Variants in MOGS observed in about 807,000 individuals in gnomAD.
The protein encoded by MOGS is epididymis secretory sperm binding protein.
Under a neutral mutation model 68.5 loss-of-function variants are expected in MOGS, and 45 were observed. The observed-to-expected ratio is 0.66, with a 90% CI of 0.52 to 0.84. The LOEUF is 0.84. MOGS is among the 40% of genes least tolerant of loss of function. The pLI, the probability that MOGS is intolerant of heterozygous loss-of-function variation, is 0.00. For missense variants in MOGS, 1,020 were observed against 1,095.0 expected (o/e 0.93, Z 0.97); for synonymous variants, 492 against 461.2 (o/e 1.07, Z -0.86).
At position 74,461,464 on chromosome 2, in the gene MOGS, A is replaced by G; in HGVS notation, c.2325T>C (p.Pro775=). The stretch of plus-strand genomic sequence containing the variant: ...GGAGTTTGGCAGCCCGAGCCTGGTG[A>G]GGACCCTCCAGATGCCCATAGTGGT... ...ALHHYGHLEG[P]HQARAAKLHG... The change falls in exon 4 of 4, where the codon CCT becomes CCC. Residue 775 remains proline, a synonymous_variant. Coordinates refer to ENST00000448666, the MANE Select transcript of MOGS (RefSeq NM_006302.3). 6.2e-7 allele frequency: 1 copy of G among 1,614,194 alleles called. No homozygotes were observed. The highest frequency in any genetic ancestry group is 8.5e-7 in the Non-Finnish European group (1 of 1,180,048).
chr2:74,463,660 CTTT>C (rs952902052), intron 2 of MOGS: 2,956 of 195,674 alleles, frequency 0.015, 1 homozygote, highest in Middle Eastern at 0.04. Flanking sequence ...TCATTTAATT[CTTT>C]TTTTTTTTTT....
rs1402710665 is a variant in MOGS at position 74,463,004 on chromosome 2, A to G, written c.785T>C (p.Val262Ala). ...DTAPKYGSYN[V>A]FWTSNPGLPL... is the part of the protein sequence containing the mutation. Reference sequence around the variant, plus strand: ...CAGTCCTGGGTTGGAGGTCCAGAAGACATTGTAGCTTGAAGGGGAGAAGAT... The same window carrying G: ...CAGTCCTGGGTTGGAGGTCCAGAAGGCATTGTAGCTTGAAGGGGAGAAGAT... The change falls in exon 4 of 4, where the codon GTC becomes GCC. Residue 262 changes from valine to alanine, a missense_variant. Coordinates refer to ENST00000448666, the MANE Select transcript of MOGS (RefSeq NM_006302.3). 2 of 1,614,060 alleles carry G rather than the reference A, an allele frequency of 1.2e-6. No homozygotes were observed. Among genetic ancestry groups the G allele is most frequent in the Admixed American group, 1.7e-5 (1 of 60,024 alleles).
Position 74,461,680 on chromosome 2 carries a change from G to A in MOGS, c.2109C>T (p.Asp703=). The A allele has an allele frequency of 6.2e-7, 1 of 1,614,226 alleles. No homozygotes were observed. Among genetic ancestry groups the A allele is most frequent in the African/African-American group, 1.3e-5 (1 of 75,060 alleles). ...SLFPLLLRLL[D]PTSSRLGPLL... ...GGGGCCCAAGGCGGGATGAGGTGGG[G>A]TCCAGCAGTCGCAGCAGCAAGGGAA... The change falls in exon 4 of 4, where the codon GAC becomes GAT. Residue 703 remains aspartate, a synonymous_variant. Coordinates refer to ENST00000448666, the MANE Select transcript of MOGS (RefSeq NM_006302.3).
intron 2 of MOGS, 47 bp from the exon 3 acceptor site, chr2:74,463,433 C>G: frequency 6.3e-7 from 1 of 1,581,124 alleles, no homozygotes; most frequent in Non-Finnish European, 8.7e-7. Flanking sequence ...GATTGGCATT[C>G]TCTCTTGAAT....
Position 74,463,181 on chromosome 2 carries a change from C to T in MOGS, c.776+9G>A, listed in dbSNP as rs766902133. On this transcript the variant is annotated intron_variant, in intron 3 of 3. Transcript: ENST00000448666. ...CTTCCATCCCCCAACATTCTTTTCC[C>T]CCAGTTACCTGCCATACTTGGGGGC... is the stretch of plus-strand genomic sequence containing the variant. 9 of 1,613,988 alleles carry T rather than the reference C, an allele frequency of 5.6e-6. No individual in the cohort carries two copies. Among genetic ancestry groups the T allele is most frequent in the Non-Finnish European group, 7.6e-6 (9 of 1,179,968 alleles).
intron 2 of MOGS, 61 bp from the exon 3 acceptor site, chr2:74,463,447 C>T (rs1230655444): frequency 6.5e-7 from 1 of 1,536,970 alleles, no homozygotes; most frequent in Non-Finnish European, 9.0e-7. Flanking sequence ...CTTGAATTCC[C>T]TCTTGAGAAT....
chr2:74,464,799 A>C (rs1303791552), intron 1 of MOGS, 77 bp from the exon 2 acceptor site: 18 of 1,560,200 alleles, frequency 1.2e-5, no homozygotes, highest in Non-Finnish European at 1.5e-5. Context: ...CCTCTTCATA[A>C]CTCTCCTGAT....
At position 74,462,013 on chromosome 2, in the gene MOGS, T is replaced by C; in HGVS notation, c.1776A>G (p.Ser592=). 1 of 1,614,168 alleles carries C rather than the reference T, an allele frequency of 6.2e-7. No homozygotes were observed. The highest frequency in any genetic ancestry group is 8.5e-7 in the Non-Finnish European group (1 of 1,180,006). ...GCAGGTCCAGGTGCCGCTCGGTTACTGAAGGGTGTGAAGCCCGGGGGTAGT... is the reference window on the plus strand; with the variant it reads ...GCAGGTCCAGGTGCCGCTCGGTTACCGAAGGGTGTGAAGCCCGGGGGTAGT... ...LDDYPRASHP[S]VTERHLDLRC... is the part of the protein sequence containing the mutation. Residue 592 remains serine (S), a synonymous_variant, in exon 4 of 4, where the codon TCA becomes TCG. Transcript: ENST00000448666.
Position 74,462,425 on chromosome 2 carries a change from T to TTCA in MOGS, c.1363_1364insTGA (p.His455delinsLeuAsn), listed in dbSNP as rs1671944909. 3 of 1,613,282 alleles carry TTCA rather than the reference T, an allele frequency of 1.9e-6. No homozygotes were observed. The highest frequency in any genetic ancestry group is 2.5e-6 in the Non-Finnish European group (3 of 1,179,554). On this transcript the variant is annotated protein_altering_variant, in exon 4 of 4. Transcript: ENST00000448666. ...ATCCCACCGCTGAACCACCAGCTGG[T>TTCA]GAAAGCCTTCATCCCAAAGGAAGCC...
rs756776967 is a variant in MOGS at position 74,462,019 on chromosome 2, G to T, written c.1770C>A (p.His590Gln). Residue 590 changes from histidine to glutamine, a missense_variant, in exon 4 of 4, where the codon CAC (histidine) becomes CAA (glutamine). By Grantham distance (24) the His-to-Gln change is conservative. Coordinates refer to ENST00000448666, the MANE Select transcript of MOGS (RefSeq NM_006302.3). ...SGLDDYPRAS[H>Q]PSVTERHLDL... ...CCAGGTGCCGCTCGGTTACTGAAGG[G>T]TGTGAAGCCCGGGGGTAGTCATCCA... 7 of 1,614,224 alleles carry T rather than the reference G, an allele frequency of 4.3e-6. No individual in the cohort carries two copies. The highest frequency in any genetic ancestry group is 2.2e-5 in the East Asian group (1 of 44,888).
rs1672040605 is a variant in MOGS, at chr2:74,465,340, G to T, written c.-93C>A. On this transcript the variant is annotated 5_prime_UTR_variant, in exon 1 of 4. Transcript: ENST00000448666. ...TCTCCGGCTCCCGCCTCTCGCCCTGGCGACCACCGTCCGGTTAGCGACACC... is the reference window on the plus strand; with the variant it reads ...TCTCCGGCTCCCGCCTCTCGCCCTGTCGACCACCGTCCGGTTAGCGACACC... 1 of 779,366 alleles carries T rather than the reference G, an allele frequency of 1.3e-6. No homozygotes were observed. The highest frequency in any genetic ancestry group is 1.8e-6 in the Non-Finnish European group (1 of 553,798). The allele number at this position is 779,366 out of a possible 1,614,324, so 48.3% of individuals were successfully genotyped here.
At chr2:74,464,466 G>A (rs377567501) in intron 2 of MOGS, 30 bp downstream of exon 2, 138 of 1,607,230 alleles carry the variant, frequency 8.6e-5, no homozygotes, top group Non-Finnish European at 1.1e-4. Context: ...GGGGGTCTGG[G>A]CTGAGAAAAG....
At chr2:74,464,760 G>C (rs1046554640) in intron 1 of MOGS, 38 bp from the exon 2 acceptor site, 12 of 1,594,476 alleles carry the variant, frequency 7.5e-6, no homozygotes, top group Non-Finnish European at 1.0e-5. Context: ...AAGAGCAGGG[G>C]ACCTGTCCCT....
intron 2 of MOGS, 186 bp from the exon 3 acceptor site, chr2:74,463,572 G>A (rs1671989169): frequency 1.6e-6 from 1 of 631,244 alleles, no homozygotes. Flanking sequence ...GAGATAAAGA[G>A]CCTTGCACTG....
intron 2 of MOGS, 112 bp downstream of exon 2, chr2:74,464,384 T>A: frequency 1.0e-6 from 1 of 964,074 alleles, no homozygotes; most frequent in East Asian, 2.6e-5. Flanking sequence ...GGCAGTTGTT[T>A]AAGGCAGGAT....
At position 74,464,906 on chromosome 2, in the gene MOGS, G is replaced by T. The variant is rs773049219; in HGVS notation, c.342C>A (p.Pro114=). Residue 114 remains proline, a synonymous_variant, in exon 1 of 4, where the codon CCC becomes CCA. Transcript: ENST00000448666. ...YFGMKTRSPK[P]LLTGLMWAQQ... is the part of the protein sequence containing the mutation. ...CTGGGGCCCGGTTACCGGTGAGGAG[G>T]GGCTTCGGGCTGCGGGTCTTCATGC... 90 of 1,605,360 alleles carry T rather than the reference G, an allele frequency of 5.6e-5. No individual in the cohort carries two copies. The highest frequency in any genetic ancestry group is 7.1e-5 in the Non-Finnish European group (84 of 1,175,702).
chr2:74,461,396 T>C lies in MOGS; in HGVS notation c.2393A>G (p.Gln798Arg). The change falls in exon 4 of 4, where the codon CAG (glutamine) becomes CGG (arginine). Residue 798 changes from glutamine (Q) to arginine (R), a missense_variant. Around this residue, in one of 3 missense-constraint regions of MOGS, gnomAD observed 270 missense variants for 261.3 expected, o/e 1.03. Transcript: ENST00000448666. ...RANVVGNVWR[Q>R]YQATGFLWEQ... ...CCAAAGAAAGCCTGTAGCCTGGTAC[T>C]GGCGCCATACATTGCCTACCACGTT... is the stretch of plus-strand genomic sequence containing the variant. 1 of 1,614,200 alleles carries C rather than the reference T, an allele frequency of 6.2e-7. No homozygotes were observed. The highest frequency in any genetic ancestry group is 1.3e-5 in the African/African-American group (1 of 75,078).
In MOGS at chr2:74,461,793, G is replaced by A. The variant is rs772852336; in HGVS notation, c.1996C>T (p.Pro666Ser). The change falls in exon 4 of 4, where the codon CCC (proline) becomes TCC (serine). Residue 666 changes from proline to serine, a missense_variant. By Grantham distance (74) the Pro-to-Ser change is moderately conservative. Coordinates refer to ENST00000448666, the MANE Select transcript of MOGS (RefSeq NM_006302.3). ...CGAACGAGCCCCTGAGGGGGCCTGGGCTTCAGCTGTACTGCTTTTGTGTGG... is the reference window on the plus strand; with the variant it reads ...CGAACGAGCCCCTGAGGGGGCCTGGACTTCAGCTGTACTGCTTTTGTGTGG... The part of the protein sequence containing the change: ...GNHTKAVQLK[P>S]RPPQGLVRVV... 3 of 1,614,192 alleles carry A rather than the reference G, an allele frequency of 1.9e-6. No homozygotes were observed. The highest frequency in any genetic ancestry group is 1.1e-5 in the South Asian group (1 of 91,090).
intron 1 of MOGS, 75 bp downstream of exon 1, chr2:74,464,821 C>T: frequency 6.4e-7 from 1 of 1,559,736 alleles, no homozygotes; most frequent in Non-Finnish European, 8.7e-7. Flanking sequence ...CATTCCTTCC[C>T]ACCCTTGCTC....
Sources: gnomAD v4.1 joint callset for allele counts on GRCh38, gnomAD v4.1.1 for gene constraint, gnomAD v4.1.1 regional missense constraint, MANE v1.5 for transcripts, NCBI Gene and HGNC (gene_info 2026-07-23, HGNC 2026-07-21) for gene names.